CLDN16: variants seen among roughly 807,000 people sequenced by gnomAD.
CLDN16 encodes claudin 16.
CLDN16 carries 13 observed loss-of-function variants against 24.6 expected under a neutral mutation model. The observed-to-expected ratio is 0.53, with a 90% CI of 0.34 to 0.84. The LOEUF is 0.84. Among genes scored for constraint, CLDN16 ranks in the 40% least tolerant of loss-of-function variants. The pLI, the probability that CLDN16 is intolerant of heterozygous loss-of-function variation, is 0.01. For missense variants in CLDN16, 298 were observed against 292.7 expected (o/e 1.02, Z -0.13); for synonymous variants, 116 against 106.7 (o/e 1.09, Z -0.54).
At chr3:190,305,347 G>A in the CLDN16 span, among the ~76,000 whole-genome samples, 2 of 152,198 alleles carry the variant, frequency 1.3e-5, no homozygotes, top group Non-Finnish European at 2.9e-5. Flanking sequence ...GTTTCCAGCA[G>A]CTGTCTTTCA....
the CLDN16 span, chr3:190,308,117 C>T: frequency 1.2e-6 from 1 of 821,194 alleles, no homozygotes; most frequent in Non-Finnish European, 2.0e-6. Context: ...ATGTTTAGCA[C>T]TGAGTATTTT....
upstream of CLDN16, among the ~76,000 whole-genome samples, chr3:190,321,516 G>A (rs1170088174): frequency 2.0e-5 from 3 of 152,178 alleles, no homozygotes; most frequent in Non-Finnish European, 2.9e-5. Flanking sequence ...TCATATTAAA[G>A]GTTAAAAAGT....
chr3:190,360,984 A>G (rs550108086), intron 1 of CLDN16, among the ~76,000 whole-genome samples: 2 of 152,106 alleles, frequency 1.3e-5, no homozygotes, highest in South Asian at 4.1e-4. Context: ...CTTGCTTTAA[A>G]CCATAAAATT....
Position 190,352,154 on chromosome 3 carries a change from T to TAA in CLDN16, n.122-18733_122-18732dup, listed in dbSNP as rs146174032. Reference sequence around the variant, plus strand: ...GCAATTGAAAAAGTTTTTTTTTTTTTAAAAAAAGACAAATAAATTAGTAAA... The same window carrying TAA: ...GCAATTGAAAAAGTTTTTTTTTTTTTAAAAAAAAAGACAAATAAATTAGTAAA... On this transcript the variant is annotated intron_variant and non_coding_transcript_variant, in intron 1 of 4. Coordinates refer to the CLDN16 transcript ENST00000468220. 1.6e-3 allele frequency among the ~76,000 whole-genome samples: 248 copies of TAA among 151,084 alleles called. 2 individuals are homozygous for TAA. Among genetic ancestry groups the TAA allele is most frequent in the African/African-American group, 4.9e-3 (201 of 41,104 alleles).
At chr3:190,408,250 G>A (rs1336359595) in intron 3 of CLDN16, 64 bp from the exon 4 acceptor site, 12 of 1,470,888 alleles carry the variant, frequency 8.2e-6, no homozygotes, top group Middle Eastern at 1.7e-4. Context: ...TAGTAAGCAG[G>A]TATTTTTGGA....
intron 1 of CLDN16, among the ~76,000 whole-genome samples, chr3:190,339,568 G>A (rs1717384180): frequency 6.6e-6 from 1 of 152,174 alleles, no homozygotes; most frequent in African/African-American, 2.4e-5. Flanking sequence ...ATTGAAAAGG[G>A]CTAGAAGTTT....
intron 1 of CLDN16, among the ~76,000 whole-genome samples, chr3:190,329,373 A>G (rs16865378): frequency 0.045 from 6,913 of 152,232 alleles, 271 homozygotes; most frequent in East Asian, 0.15. Context: ...CACAGGACGG[A>G]GACATTACTT....
intron 1 of CLDN16, among the ~76,000 whole-genome samples, chr3:190,326,047 C>G (rs1423795694): frequency 6.6e-6 from 1 of 152,078 alleles, no homozygotes; most frequent in Admixed American, 6.5e-5. Context: ...AAAGCACAAA[C>G]CTTTTGAATC....
intron 1 of CLDN16, among the ~76,000 whole-genome samples, chr3:190,342,452 GA>G (rs1717459591): frequency 6.6e-6 from 1 of 152,016 alleles, no homozygotes; most frequent in South Asian, 2.1e-4. Context: ...AAAGCAAAAA[GA>G]CAATCTGATT....
chr3:190,402,273 G>T, intron 1 of CLDN16, 64 bp from the exon 2 acceptor site: 1 of 1,260,940 alleles, frequency 7.9e-7, no homozygotes, highest in South Asian at 1.2e-5. Context: ...TTCTCTTTTT[G>T]ATCAAGGGGA....
At chr3:190,339,642 T>C (rs1390578051) in intron 1 of CLDN16, among the ~76,000 whole-genome samples, 2 of 152,210 alleles carry the variant, frequency 1.3e-5, no homozygotes, top group Admixed American at 1.3e-4. Context: ...TAAAATTGAT[T>C]TAAGGATTAA....
At chr3:190,328,859 T>C (rs1717125160) in intron 1 of CLDN16, among the ~76,000 whole-genome samples, 1 of 152,216 alleles carries the variant, frequency 6.6e-6, no homozygotes, top group Non-Finnish European at 1.5e-5. Flanking sequence ...CTCTTTTGTT[T>C]AGAGTAATCA....
intron 3 of CLDN16, among the ~76,000 whole-genome samples, chr3:190,381,621 TAGAAAG>T (rs1277848454): frequency 1.3e-5 from 2 of 152,090 alleles, no homozygotes; most frequent in Non-Finnish European, 1.5e-5. Context: ...TGGAATAAAA[TAGAAAG>T]TTAGTCATCT....
chr3:190,388,475 A>G (rs1367080453), intron 1 of CLDN16, 32 bp downstream of exon 1: 1 of 1,603,764 alleles, frequency 6.2e-7, no homozygotes, highest in Non-Finnish European at 8.5e-7. Flanking sequence ...TTCATGATCC[A>G]GGCCAGCCCA....
chr3:190,306,533 T>C, the CLDN16 span: 1 of 152,454 alleles, frequency 6.6e-6, no homozygotes, highest in African/African-American at 2.4e-5. Context: ...ACAACATCAC[T>C]GTGAGGTGGG....
upstream of CLDN16, chr3:190,387,820 C>T (rs1026364377): frequency 2.2e-5 from 9 of 407,340 alleles, no homozygotes; most frequent in East Asian, 5.1e-5. Context: ...AAGTAGTCGG[C>T]GAATATTAAA....
At chr3:190,350,450 T>G (rs1196458324) in intron 1 of CLDN16, among the ~76,000 whole-genome samples, 1 of 151,892 alleles carries the variant, frequency 6.6e-6, no homozygotes, top group Non-Finnish European at 1.5e-5. Flanking sequence ...TCAATGTGTA[T>G]TTTGAAAAGC....
chr3:190,300,856 A>C, the CLDN16 span, among the ~76,000 whole-genome samples: 1 of 152,338 alleles, frequency 6.6e-6, no homozygotes, highest in Non-Finnish European at 1.5e-5. Flanking sequence ...ATTCAGGGTC[A>C]GAATCCAGGG....
At chr3:190,387,104 T>C (rs1718519544), upstream of CLDN16, among the ~76,000 whole-genome samples, 1 of 152,174 alleles carries the variant, frequency 6.6e-6, no homozygotes, top group African/African-American at 2.4e-5. Flanking sequence ...CCTTTGACAT[T>C]CTCTCCTACA....
Sources: gnomAD v4.1 joint callset for allele counts (sites outside exome capture counted in the v4.1 genomes callset) on GRCh38, gnomAD v4.1.1 for gene constraint, MANE v1.5 for transcripts, NCBI Gene and HGNC (gene_info 2026-07-23, HGNC 2026-07-21) for gene names.